Variants in PCDHA2 observed in about 807,000 individuals in gnomAD.
PCDHA2 encodes the protein protocadherin alpha-2.
A neutral mutation model predicts 66.0 loss-of-function variants in PCDHA2; 58 were observed. The ratio of observed to expected loss-of-function variants is 0.88; its 90% CI spans 0.71 to 1.09. The LOEUF (loss-of-function observed/expected upper bound fraction) is 1.09. Among genes scored for constraint, PCDHA2 ranks in the 50% least tolerant of loss-of-function variants. PCDHA2 has a pLI of 0.00. For synonymous variants in PCDHA2, 634 were observed against 554.0 expected (o/e 1.14, Z -2.03); for missense variants, 1,267 against 1,242.3 (o/e 1.02, Z -0.30).
Position 140,886,556 on chromosome 5 carries a change from G to A in PCDHA2, c.2388+89204G>A, listed in dbSNP as rs368447778. On this transcript the variant is annotated intron_variant, in intron 1 of 3. Coordinates refer to ENST00000526136, the MANE Select transcript of PCDHA2 (RefSeq NM_018905.3). ...TAGAAAGGTCTTCCCAGCTGGGCACGGTGGCTCACGCCTGTAATCCCAGCA... is the reference window on the plus strand; with the variant it reads ...TAGAAAGGTCTTCCCAGCTGGGCACAGTGGCTCACGCCTGTAATCCCAGCA... Among the ~76,000 whole-genome samples, 30 of 151,832 alleles carry A rather than the reference G, an allele frequency of 2.0e-4. No individual in the cohort carries two copies. The East Asian group carries it at 5.5e-3, about 28-fold the overall frequency.
intron 1 of PCDHA2, among the ~76,000 whole-genome samples, chr5:140,901,955 G>A (rs2069015305): frequency 6.6e-6 from 1 of 151,848 alleles, no homozygotes; most frequent in Admixed American, 6.6e-5. Flanking sequence ...TTTTATTCGT[G>A]GCTATCGTAA....
At chr5:140,838,287 T>TTTTTC (rs2150287312) in intron 1 of PCDHA2, among the ~76,000 whole-genome samples, 2,227 of 150,168 alleles carry the variant, frequency 0.015, 86 homozygotes, top group African/African-American at 0.051. Flanking sequence ...CTAATTTTTT[T>TTTTTC]TTTTTTTTGT....
chr5:140,943,276 AAG>A (rs1491082610), intron 1 of PCDHA2, among the ~76,000 whole-genome samples: 3,151 of 135,552 alleles, frequency 0.023, 213 homozygotes, highest in African/African-American at 0.087. Flanking sequence ...AAAAAAAAAA[AAG>A]AAAGAAAGAA....
chr5:140,896,386 C>T (rs575002506), intron 1 of PCDHA2, among the ~76,000 whole-genome samples: 1 of 152,124 alleles, frequency 6.6e-6, no homozygotes, highest in African/African-American at 2.4e-5. Context: ...TGCAACCTCA[C>T]CAGCATCTGT....
Position 140,883,949 on chromosome 5 carries a change from A to C in PCDHA2, c.2388+86597A>C, listed in dbSNP as rs566235340. On this transcript the variant is annotated intron_variant, in intron 1 of 3. Transcript: ENST00000526136. ...GGTGTTCGTGCTGGACGAGAACGAC[A>C]ACGCTCCGGCGCTGCTGACGCCCGG... 178 of 1,613,356 alleles carry C rather than the reference A, an allele frequency of 1.1e-4. 5 individuals carry two copies. The South Asian group carries it at 1.9e-3, about 18-fold the overall frequency.
chr5:140,883,997 G>A, intron 1 of PCDHA2: 1 of 1,613,014 alleles, frequency 6.2e-7, no homozygotes, highest in Non-Finnish European at 8.5e-7. Context: ...GGGAGGCACA[G>A]TGAGCGAGCT....
chr5:140,855,643 A>G (rs1205505162), intron 1 of PCDHA2, among the ~76,000 whole-genome samples: 1 of 149,878 alleles, frequency 6.7e-6, no homozygotes, highest in East Asian at 1.9e-4. Flanking sequence ...ATTGATAATC[A>G]TGTGGTTAGG....
chr5:140,845,064 A>G (rs1225142446), intron 1 of PCDHA2, among the ~76,000 whole-genome samples: 1 of 149,468 alleles, frequency 6.7e-6, no homozygotes, highest in Non-Finnish European at 1.5e-5. Flanking sequence ...GGTAACCTCA[A>G]AGCAGCATTG....
intron 3 of PCDHA2, among the ~76,000 whole-genome samples, chr5:141,007,672 A>G (rs782403242): frequency 6.6e-6 from 1 of 152,194 alleles, no homozygotes; most frequent in African/African-American, 2.4e-5. Context: ...TACAAAGACA[A>G]AAGTTATCCT....
At chr5:140,967,141 G>T in intron 1 of PCDHA2, 2 of 1,611,258 alleles carry the variant, frequency 1.2e-6, no homozygotes, top group South Asian at 1.1e-5. Flanking sequence ...AAGTGCTGGC[G>T]CACAACCCCG....
At chr5:140,823,734 T>G (rs2150128605) in intron 1 of PCDHA2, 2 of 1,613,778 alleles carry the variant, frequency 1.2e-6, no homozygotes. Flanking sequence ...TGAAGGACCA[T>G]GGAGAGCCCC....
At chr5:140,829,598 G>C (rs782543757) in intron 1 of PCDHA2, 5 of 1,611,978 alleles carry the variant, frequency 3.1e-6, no homozygotes, top group Non-Finnish European at 4.2e-6. Context: ...GGGCGAGCGC[G>C]CGTTGTCGAG....
chr5:140,946,634 A>ATATATATAT (rs1554217761), intron 1 of PCDHA2, among the ~76,000 whole-genome samples: 5 of 147,332 alleles, frequency 3.4e-5, no homozygotes, highest in African/African-American at 7.7e-5. Flanking sequence ...ATATATATAC[A>ATATATATAT]ATGGAATACT....
rs1554119669 is a variant in PCDHA2 at position 140,796,060 on chromosome 5, G to T, written c.1096G>T (p.Gly366Cys). ...TCCCATCTCAGAGAACGCTTCCCTG[G>T]GCACTGTCATTGCTCTCATCACGGT... ...SLPISENASLGTVIALITVSD... is the reference protein window; with the variant it reads ...SLPISENASLCTVIALITVSD... The change falls in exon 1 of 4, where the codon GGC (glycine) becomes TGC (cysteine). Residue 366 changes from glycine to cysteine, a missense_variant. Gly to Cys is a radical substitution (Grantham distance 159). Coordinates refer to ENST00000526136, the MANE Select transcript of PCDHA2 (RefSeq NM_018905.3). 2 of 1,614,134 alleles carry T rather than the reference G, an allele frequency of 1.2e-6. No homozygotes were observed. Among genetic ancestry groups the T allele is most frequent in the Non-Finnish European group, 1.7e-6 (2 of 1,180,030 alleles).
intron 1 of PCDHA2, among the ~76,000 whole-genome samples, chr5:140,940,745 T>C (rs1554213585): frequency 6.6e-6 from 1 of 152,260 alleles, no homozygotes; most frequent in Non-Finnish European, 1.5e-5. Flanking sequence ...CATATTTTTA[T>C]GTGTGCCAAC....
At chr5:140,825,975 G>A (rs1262367977) in intron 1 of PCDHA2, 2 of 152,286 alleles carry the variant, frequency 1.3e-5, no homozygotes, top group Admixed American at 6.5e-5. Context: ...GAGGGGAAAA[G>A]TATGGATTTA....
intron 1 of PCDHA2, chr5:140,869,872 A>G: frequency 6.2e-7 from 1 of 1,610,558 alleles, no homozygotes; most frequent in Admixed American, 1.7e-5. Context: ...AAATGCTGCT[A>G]AAGAAACTCT....
chr5:140,850,457 C>A lies in PCDHA2; in HGVS notation c.2388+53105C>A. ...GCCTACTGGTGCTGGTGAAAGACCA[C>A]GGGGAGCCAGCGCTGACGGCCACGG... On this transcript the variant is annotated intron_variant, in intron 1 of 3. Transcript: ENST00000526136. The A allele has an allele frequency of 3.1e-6, 5 of 1,597,798 alleles. 1 individual carries two copies. Among genetic ancestry groups the A allele is most frequent in the Non-Finnish European group, 4.3e-6 (5 of 1,167,620 alleles).
intron 1 of PCDHA2, among the ~76,000 whole-genome samples, chr5:140,913,380 T>C (rs1436602497): frequency 6.6e-6 from 1 of 152,226 alleles, no homozygotes; most frequent in Non-Finnish European, 1.5e-5. Context: ...ATATAGTGGC[T>C]CATCATAGCC....
Sources: gnomAD v4.1 joint callset for allele counts (sites outside exome capture counted in the v4.1 genomes callset) on GRCh38, gnomAD v4.1.1 for gene constraint, MANE v1.5 for transcripts, NCBI Gene and HGNC (gene_info 2026-07-23, HGNC 2026-07-21) for gene names.